DLGAP2: variants seen among roughly 807,000 people sequenced by gnomAD.
DLGAP2 encodes disks large-associated protein 2.
Under a neutral mutation model 100.3 loss-of-function variants are expected in DLGAP2, and 26 were observed. The ratio of observed to expected loss-of-function variants is 0.26; its 90% CI spans 0.19 to 0.36. The LOEUF (loss-of-function observed/expected upper bound fraction) is 0.36, where lower values mean the gene tolerates loss of function less well. Among genes scored for constraint, DLGAP2 ranks in the 10% least tolerant of loss-of-function variants. The pLI is 1.00. For synonymous variants in DLGAP2, 886 were observed against 630.1 expected, an observed-to-expected ratio of 1.41 and a Z score of -6.08; for missense variants, 1,858 against 1,453.2, an observed-to-expected ratio of 1.28 and a Z score of -4.53.
intron 4 of DLGAP2, among the ~76,000 whole-genome samples, chr8:1,505,517 C>G (rs1584962892): frequency 6.6e-6 from 1 of 152,178 alleles, no homozygotes; most frequent in South Asian, 2.1e-4. Context: ...TAGCCATTAC[C>G]TCTTAAGAGC....
At chr8:899,341 T>C (rs968950985) in intron 1 of DLGAP2, among the ~76,000 whole-genome samples, 1 of 152,186 alleles carries the variant, frequency 6.6e-6, no homozygotes, top group African/African-American at 2.4e-5. Flanking sequence ...CTGAGCAGCC[T>C]ATCTGATGCC....
intron 1 of DLGAP2, among the ~76,000 whole-genome samples, chr8:833,365 T>A (rs1443514760): frequency 1.3e-5 from 2 of 151,980 alleles, no homozygotes; most frequent in African/African-American, 2.4e-5. Context: ...CCAACAGGAG[T>A]CTTGCTGGGC....
intron 13 of DLGAP2, among the ~76,000 whole-genome samples, chr8:1,696,033 G>T (rs116279348): frequency 6.6e-5 from 10 of 152,210 alleles, no homozygotes; most frequent in African/African-American, 2.4e-4. Context: ...CCTGGCTCTG[G>T]GTGAGGAATC....
At chr8:922,089 A>C (rs1042495084) in intron 2 of DLGAP2, among the ~76,000 whole-genome samples, 1 of 152,192 alleles carries the variant, frequency 6.6e-6, no homozygotes, top group Non-Finnish European at 1.5e-5. Context: ...TCCTGGGAGA[A>C]ACGGCTCCTT....
rs373983764 is a variant in DLGAP2 at position 1,668,438 on chromosome 8, C to T, written c.1920C>T (p.Asp640=). 85 of 1,601,560 alleles carry T rather than the reference C, an allele frequency of 5.3e-5. No individual in the cohort carries two copies. The highest frequency in any genetic ancestry group is 2.6e-4 in the South Asian group (23 of 88,760). Residue 640 remains aspartate, a synonymous_variant, in exon 9 of 15, where the codon GAC becomes GAT. Transcript: ENST00000637795. The part of the protein sequence containing the change: ...TAQSSTESTQ[D]AYQDSRAQRM... ...AGAGCAGCACCGAATCCACCCAGGA[C>T]GCCTACCAGGACAGCCGCGCACAGA... is the stretch of plus-strand genomic sequence containing the variant.
chr8:1,093,447 A>G (rs1222501478), intron 2 of DLGAP2, among the ~76,000 whole-genome samples: 1 of 151,870 alleles, frequency 6.6e-6, no homozygotes, highest in Non-Finnish European at 1.5e-5. Context: ...TCAGACAGAA[A>G]CACTTTCACA....
chr8:1,663,063 TG>T (rs1798451937), intron 8 of DLGAP2, among the ~76,000 whole-genome samples: 1 of 106,734 alleles, frequency 9.4e-6, no homozygotes, highest in Non-Finnish European at 1.8e-5. Flanking sequence ...ACACATAGTG[TG>T]GGGTGTGTGT....
At chr8:1,155,624 G>C (rs533259563) in intron 2 of DLGAP2, among the ~76,000 whole-genome samples, 3 of 152,012 alleles carry the variant, frequency 2.0e-5, no homozygotes, top group South Asian at 4.2e-4. Flanking sequence ...CCGGGGTTTT[G>C]CTTCGCGATG....
At chr8:1,266,914 A>T (rs1016881113) in intron 3 of DLGAP2, among the ~76,000 whole-genome samples, 19 of 151,998 alleles carry the variant, frequency 1.3e-4, no homozygotes, top group African/African-American at 3.4e-4. Flanking sequence ...CTCAGTGGGG[A>T]GAGGGGATGT....
chr8:1,431,384 C>A (rs1024330808), intron 3 of DLGAP2, among the ~76,000 whole-genome samples: 1 of 152,224 alleles, frequency 6.6e-6, no homozygotes. Flanking sequence ...CACGTCTGAT[C>A]CATGCTGACA....
chr8:862,695 C>G (rs765739999), intron 1 of DLGAP2, among the ~76,000 whole-genome samples: 1 of 152,142 alleles, frequency 6.6e-6, no homozygotes, highest in African/African-American at 2.4e-5. Flanking sequence ...CAAGTGAGAA[C>G]AGATCTTGTC....
At chr8:1,327,357 C>T (rs559173894) in intron 3 of DLGAP2, among the ~76,000 whole-genome samples, 3 of 152,282 alleles carry the variant, frequency 2.0e-5, no homozygotes, top group East Asian at 3.9e-4. Flanking sequence ...TGTAAAAGGT[C>T]ATTAGTCTCT....
intron 2 of DLGAP2, among the ~76,000 whole-genome samples, chr8:1,158,761 C>G (rs1796838740): frequency 6.6e-6 from 1 of 152,360 alleles, no homozygotes; most frequent in African/African-American, 2.4e-5. Flanking sequence ...GTCACACAGA[C>G]CCCTTGAAGT....
chr8:1,638,536 G>A (rs560014320), intron 8 of DLGAP2, among the ~76,000 whole-genome samples: 23 of 152,254 alleles, frequency 1.5e-4, no homozygotes, highest in Middle Eastern at 3.4e-3. Context: ...CCCGCGGCCC[G>A]GCCGTACTGC....
chr8:1,488,979 A>C (rs140752061), intron 3 of DLGAP2, among the ~76,000 whole-genome samples: 346 of 152,284 alleles, frequency 2.3e-3, no homozygotes, highest in African/African-American at 7.7e-3. Flanking sequence ...AAGACACTGG[A>C]TAGAACCCCA....
At chr8:858,212 G>T (rs746269328) in intron 1 of DLGAP2, among the ~76,000 whole-genome samples, 5 of 152,354 alleles carry the variant, frequency 3.3e-5, no homozygotes, top group Non-Finnish European at 7.3e-5. Flanking sequence ...AAAGATGAAT[G>T]AATAACCAAA....
intron 2 of DLGAP2, among the ~76,000 whole-genome samples, chr8:1,187,404 T>TCTCACACACCC (rs1563239786): frequency 7.4e-6 from 1 of 134,816 alleles, no homozygotes; most frequent in African/African-American, 3.0e-5. Context: ...CCTCACGGAA[T>TCTCACACACCC]GTCACACGCC....
chr8:1,189,196 C>A (rs1420397909), intron 2 of DLGAP2, among the ~76,000 whole-genome samples: 1 of 148,806 alleles, frequency 6.7e-6, no homozygotes, highest in African/African-American at 2.5e-5. Context: ...TTGGGGTTGA[C>A]CTTACACAGG....
chr8:1,018,804 T>C (rs1801545432), intron 2 of DLGAP2: 2 of 152,210 alleles, frequency 1.3e-5, no homozygotes, highest in African/African-American at 4.8e-5. Flanking sequence ...TGAGATTTTA[T>C]CTTCTTGTCT....
Sources: gnomAD v4.1 joint callset for allele counts (sites outside exome capture counted in the v4.1 genomes callset) on GRCh38, gnomAD v4.1.1 for gene constraint, MANE v1.5 for transcripts, NCBI Gene and HGNC (gene_info 2026-07-23, HGNC 2026-07-21) for gene names.